SHROOM2: variants seen among roughly 807,000 people sequenced by gnomAD.
SHROOM2 encodes protein Shroom2.
SHROOM2 carries 33 observed loss-of-function variants against 75.9 expected under a neutral mutation model. The observed-to-expected ratio is 0.43, with a 90% CI of 0.33 to 0.58. SHROOM2 has a LOEUF of 0.58. SHROOM2 is among the 20% of genes least tolerant of loss of function. The pLI is 0.04. For synonymous variants in SHROOM2, 655 were observed against 663.6 expected (o/e 0.99, Z 0.20); for missense variants, 1,434 against 1,461.2 (o/e 0.98, Z 0.30).
chrX:9,915,169 G>C (rs919170168), intron 5 of SHROOM2, among the ~76,000 whole-genome samples: 1 of 111,435 alleles, frequency 9.0e-6, no homozygotes, highest in Admixed American at 9.6e-5. Context: ...CCATTACCTT[G>C]ATCTTGAAGT....
intron 1 of SHROOM2, among the ~76,000 whole-genome samples, chrX:9,794,235 G>C (rs981771441): frequency 8.0e-5 from 9 of 112,000 alleles, no homozygotes; most frequent in African/African-American, 2.3e-4. Flanking sequence ...TCTGCGTGTA[G>C]CTTCTCCAGC....
chrX:9,898,327 G>A (rs1250190620), intron 5 of SHROOM2, 37 bp downstream of exon 5: 18 of 1,029,084 alleles, frequency 1.7e-5, no homozygotes, highest in African/African-American at 3.8e-5. Context: ...CTGAAGAGGC[G>A]TCTGAGGGTG....
chrX:9,945,756 C>A (rs1002794889), intron 9 of SHROOM2, among the ~76,000 whole-genome samples: 1 of 111,764 alleles, frequency 8.9e-6, no homozygotes, highest in African/African-American at 3.3e-5. Flanking sequence ...AACTTCAAGG[C>A]GTTTCTCAGT....
intron 3 of SHROOM2, among the ~76,000 whole-genome samples, chrX:9,892,319 T>C (rs966650273): frequency 9.3e-6 from 1 of 107,731 alleles, no homozygotes; most frequent in African/African-American, 3.4e-5. Flanking sequence ...TAAAGATTTA[T>C]ATGACACGAA....
rs2084332733 is a variant in SHROOM2 at position 9,896,499 on chromosome X, C to A, written c.2591C>A (p.Ser864Ter). The change falls in exon 4 of 10, where the codon TCA becomes TAA. Residue 864 changes from serine (S) to a stop codon, truncating the protein, a stop_gained. Transcript: ENST00000380913. LOFTEE classifies it high-confidence loss of function. Reference protein sequence around the residue: ...AHSAAEKAGTSDLPRRLGTFA... With the variant: ...AHSAAEKAGT ...AGCGCAGCGGAGAAGGCAGGGACTTCAGACCTGCCGCGGAGGCTCGGCACC... is the reference window on the plus strand; with the variant it reads ...AGCGCAGCGGAGAAGGCAGGGACTTAAGACCTGCCGCGGAGGCTCGGCACC... 8.3e-7 allele frequency: 1 copy of A among 1,209,096 alleles called. No individual in the cohort carries two copies. The highest frequency in any genetic ancestry group is 1.1e-6 in the Non-Finnish European group (1 of 894,411).
chrX:9,881,804 G>A (rs1215442438), intron 2 of SHROOM2, among the ~76,000 whole-genome samples: 2 of 112,063 alleles, frequency 1.8e-5, no homozygotes, highest in Admixed American at 1.9e-4. Flanking sequence ...TGCTGTGACT[G>A]TAAAGTCTCT....
At chrX:9,832,837 C>T (rs2083923480) in intron 1 of SHROOM2, among the ~76,000 whole-genome samples, 1 of 111,524 alleles carries the variant, frequency 9.0e-6, no homozygotes, top group Non-Finnish European at 1.9e-5. Flanking sequence ...AAGGTCAAAA[C>T]CTCAGATATT....
intron 5 of SHROOM2, among the ~76,000 whole-genome samples, chrX:9,923,255 G>A (rs1168271186): frequency 9.0e-6 from 1 of 111,042 alleles, no homozygotes; most frequent in Non-Finnish European, 1.9e-5. Context: ...ACTGGCCCAG[G>A]GTTCAAGAAG....
chrX:9,876,208 G>A (rs961254958), intron 2 of SHROOM2, among the ~76,000 whole-genome samples: 8 of 111,750 alleles, frequency 7.2e-5, no homozygotes, highest in Non-Finnish European at 1.3e-4. Context: ...ATAAAGCAGC[G>A]GAGTTTATTT....
chrX:9,872,490 G>A (rs945150692), intron 1 of SHROOM2, among the ~76,000 whole-genome samples: 1 of 111,568 alleles, frequency 9.0e-6, no homozygotes, highest in African/African-American at 3.3e-5. Context: ...GCTTGAACCA[G>A]GAGGCAGAGG....
intron 1 of SHROOM2, 99 bp from the exon 2 acceptor site, chrX:9,873,553 C>T: frequency 2.0e-6 from 2 of 1,011,785 alleles, no homozygotes; most frequent in Non-Finnish European, 1.4e-6. Flanking sequence ...GGGCCCATTC[C>T]CGCCAAGTGT....
In SHROOM2 at chrX:9,893,869, G is replaced by A. The variant is rs771663675; in HGVS notation, c.450-489G>A. On this transcript the variant is annotated intron_variant, in intron 3 of 9. Transcript: ENST00000380913. Reference sequence around the variant, plus strand: ...CTCGGGAGGCTGAGGCAGGAGAATCGCTTGAACCCAGGAGGCGAAGGTTGC... The same window carrying A: ...CTCGGGAGGCTGAGGCAGGAGAATCACTTGAACCCAGGAGGCGAAGGTTGC... Among the ~76,000 whole-genome samples the A allele has an allele frequency of 5.6e-5, 6 of 108,020 alleles. No individual in the cohort carries two copies. The South Asian group carries it at 1.3e-3, about 23-fold the overall frequency. The allele number at this position is 108,020 out of a possible 115,157, so 93.8% of individuals were successfully genotyped here. A position where few individuals can be genotyped will look rare whatever the true frequency, so the allele number is the denominator to read the frequency against.
At chrX:9,938,193 GTTTC>G (rs1262641240) in intron 7 of SHROOM2, among the ~76,000 whole-genome samples, 1 of 111,144 alleles carries the variant, frequency 9.0e-6, no homozygotes, top group Non-Finnish European at 1.9e-5. Flanking sequence ...ATATATATGT[GTTTC>G]TTTATGAAAT....
intron 1 of SHROOM2, among the ~76,000 whole-genome samples, chrX:9,806,165 T>G (rs889209094): frequency 9.1e-6 from 1 of 110,385 alleles, no homozygotes; most frequent in Non-Finnish European, 1.9e-5. Flanking sequence ...CTGTGGTGTT[T>G]TGTTACAGCA....
intron 8 of SHROOM2, among the ~76,000 whole-genome samples, chrX:9,941,990 AAAAAAAT>A: frequency 1.0e-5 from 1 of 95,842 alleles, no homozygotes; most frequent in African/African-American, 4.6e-5. Context: ...AAAAAAAAAA[AAAAAAAT>A]TCCTGAGCAG....
At chrX:9,812,521 C>T (rs1666772826) in intron 1 of SHROOM2, among the ~76,000 whole-genome samples, 2 of 112,106 alleles carry the variant, frequency 1.8e-5, no homozygotes, top group Non-Finnish European at 3.8e-5. Context: ...TCTCGACAGG[C>T]CCCATACCAT....
intron 6 of SHROOM2, among the ~76,000 whole-genome samples, chrX:9,934,538 A>G (rs1370646284): frequency 9.0e-6 from 1 of 111,217 alleles, no homozygotes; most frequent in East Asian, 2.8e-4. Flanking sequence ...CTATAATAAG[A>G]TCTCATAGAC....
At chrX:9,899,947 G>A (rs1472228253) in intron 5 of SHROOM2, among the ~76,000 whole-genome samples, 6 of 112,011 alleles carry the variant, frequency 5.4e-5, no homozygotes, top group Non-Finnish European at 9.4e-5. Context: ...TGTGCAGAGG[G>A]CACCCGTGCT....
chrX:9,873,521 G>C, intron 1 of SHROOM2, 131 bp from the exon 2 acceptor site: 1 of 692,412 alleles, frequency 1.4e-6, no homozygotes, highest in Non-Finnish European at 2.2e-6. Flanking sequence ...GATCCCCTGA[G>C]TGGTAATAAG....
Sources: allele counts gnomAD v4.1 joint callset (sites outside exome capture counted in the v4.1 genomes callset), GRCh38; gene constraint gnomAD v4.1.1; transcripts MANE v1.5; gene names NCBI Gene and HGNC (gene_info 2026-07-23, HGNC 2026-07-21).